ZNF138: variants seen among roughly 807,000 people sequenced by gnomAD.
The protein encoded by ZNF138 is zinc finger protein 138 (clone pHZ-32).
A neutral mutation model predicts 33.0 loss-of-function variants in ZNF138; 33 were observed. That is an observed-to-expected ratio of 1.00 (90% CI 0.76 to 1.34). ZNF138 has a LOEUF of 1.34. Ranked by LOEUF, ZNF138 falls within the 40% of genes most tolerant of loss-of-function variation. The pLI, the probability that ZNF138 is intolerant of heterozygous loss-of-function variation, is 0.00. For missense variants in ZNF138, 360 were observed against 370.8 expected, an observed-to-expected ratio of 0.97 and a Z score of 0.24; for synonymous variants, 139 against 120.4, an observed-to-expected ratio of 1.15 and a Z score of -1.01.
intron 1 of ZNF138, among the ~76,000 whole-genome samples, chr7:64,798,581 C>T (rs1321469863): frequency 1.3e-5 from 2 of 151,954 alleles, no homozygotes; most frequent in South Asian, 2.1e-4. Flanking sequence ...CACCTGAGGT[C>T]GGGAGTTTGA....
At chr7:64,842,687 T>G in the ZNF138 span, among the ~76,000 whole-genome samples, 140,207 of 152,244 alleles carry the variant, frequency 0.92, 65,654 homozygotes, top group Non-Finnish European at 1. Context: ...AGCAACACCT[T>G]CCCTTTTAGT....
chr7:64,826,225 A>C (rs1391029759), intron 3 of ZNF138, among the ~76,000 whole-genome samples: 1 of 151,888 alleles, frequency 6.6e-6, no homozygotes, highest in Non-Finnish European at 1.5e-5. Flanking sequence ...TTTCTGTTTT[A>C]CTGCCTTAAT....
chr7:64,839,674 G>C, the ZNF138 span, among the ~76,000 whole-genome samples: 1 of 152,164 alleles, frequency 6.6e-6, no homozygotes, highest in African/African-American at 2.4e-5. Context: ...CTGGCGGCAA[G>C]TAACCGGACG....
chr7:64,804,151 G>T (rs1011323099), intron 1 of ZNF138, among the ~76,000 whole-genome samples: 1 of 152,132 alleles, frequency 6.6e-6, no homozygotes, highest in Non-Finnish European at 1.5e-5. Context: ...AAACTAAAAG[G>T]CAGAAATGAA....
intron 1 of ZNF138, among the ~76,000 whole-genome samples, chr7:64,799,991 A>T (rs778271845): frequency 1.3e-5 from 2 of 152,154 alleles, no homozygotes; most frequent in Non-Finnish European, 2.9e-5. Context: ...GATGCTGCTG[A>T]TGTACAGGGA....
chr7:64,798,496 A>G (rs1786873485), intron 1 of ZNF138, among the ~76,000 whole-genome samples: 1 of 152,254 alleles, frequency 6.6e-6, no homozygotes, highest in Admixed American at 6.5e-5. Context: ...CCATTTTATT[A>G]AATAGGGAAT....
In ZNF138 at chr7:64,832,311, C is replaced by T; in HGVS notation, c.*109C>T. Reference sequence around the variant, plus strand: ...AACCCTTATTACACATAAGATAATTCATAGCGGAGAGAAACCCCACAAATG... The same window carrying T: ...AACCCTTATTACACATAAGATAATTTATAGCGGAGAGAAACCCCACAAATG... On this transcript the variant is annotated 3_prime_UTR_variant, in exon 4 of 4. Transcript: ENST00000307355. 6.3e-7 allele frequency: 1 copy of T among 1,578,010 alleles called. No homozygotes were observed.
the ZNF138 span, among the ~76,000 whole-genome samples, chr7:64,846,403 G>A: frequency 6.6e-6 from 1 of 152,204 alleles, no homozygotes; most frequent in Admixed American, 6.5e-5. Flanking sequence ...AGCATGGGAT[G>A]TGTTTTCATT....
chr7:64,841,752 G>A, the ZNF138 span, among the ~76,000 whole-genome samples: 1 of 152,064 alleles, frequency 6.6e-6, no homozygotes, highest in Admixed American at 6.6e-5. Flanking sequence ...CATTTTACAT[G>A]GTACTTTGTA....
chr7:64,821,335 C>G (rs1052587979), intron 3 of ZNF138, among the ~76,000 whole-genome samples: 1 of 151,220 alleles, frequency 6.6e-6, no homozygotes, highest in Non-Finnish European at 1.5e-5. Context: ...GTGATCCACC[C>G]ACCTCAGCCT....
downstream of ZNF138, among the ~76,000 whole-genome samples, chr7:64,833,946 G>C (rs1015097660): frequency 6.6e-6 from 1 of 152,110 alleles, no homozygotes; most frequent in East Asian, 1.9e-4. Flanking sequence ...GGCTCATCTC[G>C]AACTCCTGAC....
the ZNF138 span, among the ~76,000 whole-genome samples, chr7:64,848,795 C>T: frequency 1.6e-4 from 24 of 151,258 alleles, no homozygotes; most frequent in African/African-American, 5.6e-4. Context: ...GGCTCCACCT[C>T]CCGGGTTCAC....
chr7:64,813,847 G>A (rs1231477103), intron 1 of ZNF138, among the ~76,000 whole-genome samples: 1 of 152,190 alleles, frequency 6.6e-6, no homozygotes, highest in African/African-American at 2.4e-5. Flanking sequence ...ATTTGTCTTA[G>A]TGCAGTTGAT....
chr7:64,854,146 C>T, the ZNF138 span, among the ~76,000 whole-genome samples: 13 of 152,098 alleles, frequency 8.5e-5, no homozygotes, highest in Non-Finnish European at 1.6e-4. Flanking sequence ...TAAAATGGTA[C>T]ACAAGGAATA....
At chr7:64,834,828 TTA>T (rs1280372393), downstream of ZNF138, among the ~76,000 whole-genome samples, 3 of 152,164 alleles carry the variant, frequency 2.0e-5, no homozygotes, top group Non-Finnish European at 2.9e-5. Context: ...CAAAATAATT[TTA>T]GTTAAAATTA....
At chr7:64,806,649 A>G (rs1224027904) in intron 1 of ZNF138, among the ~76,000 whole-genome samples, 2 of 152,198 alleles carry the variant, frequency 1.3e-5, no homozygotes, top group African/African-American at 4.8e-5. Flanking sequence ...TTAAAATGAG[A>G]CCACAATTAT....
chr7:64,794,470 T>C lies in ZNF138; in HGVS notation c.-99T>C. 3.2e-6 allele frequency: 5 copies of C among 1,575,750 alleles called. No individual in the cohort carries two copies. The highest frequency in any genetic ancestry group is 4.3e-6 in the Non-Finnish European group (5 of 1,149,966). ...GCTGCAGGTCTGGCCTTCACTTTTC[T>C]GCGTCCTCTTACTCCTAGAGGCCCA... is the stretch of plus-strand genomic sequence containing the variant. On this transcript the variant is annotated 5_prime_UTR_variant, in exon 1 of 4. Transcript: ENST00000307355.
intron 1 of ZNF138, among the ~76,000 whole-genome samples, chr7:64,802,993 A>G (rs1787276032): frequency 6.6e-6 from 1 of 152,140 alleles, no homozygotes; most frequent in Admixed American, 6.6e-5. Flanking sequence ...CTCTTACATA[A>G]CAATTGTGTA....
chr7:64,816,799 A>G (rs760182037), intron 3 of ZNF138, among the ~76,000 whole-genome samples: 8 of 152,252 alleles, frequency 5.3e-5, no homozygotes, highest in Admixed American at 1.3e-4. Flanking sequence ...TCACGTTTTT[A>G]TATCCTGGTT....
Sources: allele counts gnomAD v4.1 joint callset (sites outside exome capture counted in the v4.1 genomes callset), GRCh38; gene constraint gnomAD v4.1.1; transcripts MANE v1.5; gene names NCBI Gene and HGNC (gene_info 2026-07-23, HGNC 2026-07-21).